SCHIP1: variants seen among roughly 807,000 people sequenced by gnomAD.
SCHIP1 encodes schwannomin-interacting protein 1.
In SCHIP1, 8 loss-of-function variants were observed where a neutral mutation model predicts 29.7. The observed-to-expected ratio is 0.27, with a 90% CI of 0.16 to 0.49. The LOEUF (loss-of-function observed/expected upper bound fraction) is 0.49, where lower values mean the gene tolerates loss of function less well. Among genes scored for constraint, SCHIP1 ranks in the 20% least tolerant of loss-of-function variants. The pLI is 0.99. For synonymous variants in SCHIP1, 76 were observed against 94.9 expected (o/e 0.80, Z 1.16); for missense variants, 193 against 294.6 (o/e 0.66, Z 2.52).
the SCHIP1 span, among the ~76,000 whole-genome samples, chr3:159,510,138 C>T: frequency 6.6e-6 from 1 of 152,168 alleles, no homozygotes; most frequent in Non-Finnish European, 1.5e-5. Context: ...TTCACATAGT[C>T]CCATATTTCT....
chr3:159,471,878 C>A, the SCHIP1 span, among the ~76,000 whole-genome samples: 1 of 152,084 alleles, frequency 6.6e-6, no homozygotes, highest in South Asian at 2.1e-4. Flanking sequence ...GCATGCTATC[C>A]TGTTATGTGT....
At chr3:159,694,581 AAAG>A in the SCHIP1 span, among the ~76,000 whole-genome samples, 1 of 149,318 alleles carries the variant, frequency 6.7e-6, no homozygotes, top group African/African-American at 2.5e-5. Flanking sequence ...AGAAAGAAAG[AAAG>A]AAAGAAAGAA....
At chr3:159,422,938 G>A in the SCHIP1 span, among the ~76,000 whole-genome samples, 9 of 124,248 alleles carry the variant, frequency 7.2e-5, no homozygotes, top group African/African-American at 2.4e-4. Context: ...GTGGAAACAT[G>A]TAGGATATTC....
chr3:159,741,145 T>C, the SCHIP1 span, among the ~76,000 whole-genome samples: 1 of 152,182 alleles, frequency 6.6e-6, no homozygotes, highest in East Asian at 1.9e-4. Context: ...CAGACACTCA[T>C]TAGATGTTCA....
At chr3:159,671,827 G>A in the SCHIP1 span, among the ~76,000 whole-genome samples, 2 of 152,186 alleles carry the variant, frequency 1.3e-5, no homozygotes, top group Non-Finnish European at 2.9e-5. Context: ...AGGGGAGACA[G>A]TATTAAGGAA....
the SCHIP1 span, among the ~76,000 whole-genome samples, chr3:159,512,339 A>G: frequency 3.3e-5 from 5 of 152,190 alleles, no homozygotes; most frequent in Admixed American, 2.6e-4. Flanking sequence ...TAGAATTGCT[A>G]TAGGTAATAT....
At chr3:159,425,420 C>T in the SCHIP1 span, among the ~76,000 whole-genome samples, 1 of 151,414 alleles carries the variant, frequency 6.6e-6, no homozygotes, top group East Asian at 1.9e-4. Flanking sequence ...GACTTTAAAC[C>T]AACAAAGATC....
At chr3:159,591,771 G>A in the SCHIP1 span, among the ~76,000 whole-genome samples, 3 of 151,988 alleles carry the variant, frequency 2.0e-5, no homozygotes, top group South Asian at 4.2e-4. Context: ...CCTGTCGGGG[G>A]GTTGGGGTCA....
At chr3:159,538,686 T>C in the SCHIP1 span, among the ~76,000 whole-genome samples, 1 of 152,294 alleles carries the variant, frequency 6.6e-6, no homozygotes, top group Admixed American at 6.5e-5. Flanking sequence ...TGTTTGCCTG[T>C]ACCTGCGAAG....
chr3:159,427,362 C>G, the SCHIP1 span, among the ~76,000 whole-genome samples: 3 of 151,742 alleles, frequency 2.0e-5, no homozygotes, highest in Admixed American at 6.6e-5. Flanking sequence ...TCTCAGGATA[C>G]AAAATCAATG....
At chr3:159,383,373 C>T in the SCHIP1 span, among the ~76,000 whole-genome samples, 22 of 150,452 alleles carry the variant, frequency 1.5e-4, no homozygotes, top group Admixed American at 1.4e-3. Context: ...GAATCCTTTC[C>T]CCATTGCTTG....
At chr3:159,527,945 A>C in the SCHIP1 span, among the ~76,000 whole-genome samples, 2 of 152,232 alleles carry the variant, frequency 1.3e-5, no homozygotes, top group African/African-American at 4.8e-5. Context: ...TAGTGTGGCC[A>C]AAAAGTGATG....
At chr3:159,388,894 T>C in the SCHIP1 span, among the ~76,000 whole-genome samples, 1 of 152,150 alleles carries the variant, frequency 6.6e-6, no homozygotes, top group Non-Finnish European at 1.5e-5. Flanking sequence ...TCATGCCATA[T>C]ATAAAATAAA....
At chr3:159,846,792 G>T (rs1271171934) in intron 1 of SCHIP1, among the ~76,000 whole-genome samples, 1 of 151,970 alleles carries the variant, frequency 6.6e-6, no homozygotes, top group Non-Finnish European at 1.5e-5. Context: ...ATTATTGTCT[G>T]CCTTGTTGAG....
the SCHIP1 span, among the ~76,000 whole-genome samples, chr3:159,423,001 C>A: frequency 0.96 from 145,664 of 152,312 alleles, 69,687 homozygotes; most frequent in African/African-American, 0.97. Context: ...CTGTAAGTGA[C>A]CTGATTGTTC....
chr3:159,878,924 CAAA>C (rs146047161), intron 2 of SCHIP1, among the ~76,000 whole-genome samples: 1 of 145,096 alleles, frequency 6.9e-6, no homozygotes. Flanking sequence ...ACTCTTTCAC[CAAA>C]AAAAAAAAAG....
At chr3:159,786,693 G>GTA in the SCHIP1 span, among the ~76,000 whole-genome samples, 1,815 of 146,954 alleles carry the variant, frequency 0.012, 37 homozygotes, top group African/African-American at 0.035. Context: ...GTGTGTGTGT[G>GTA]TGTCTGCGCG....
chr3:159,666,705 A>G, the SCHIP1 span, among the ~76,000 whole-genome samples: 1 of 152,244 alleles, frequency 6.6e-6, no homozygotes, highest in African/African-American at 2.4e-5. Context: ...CATAGGTAAT[A>G]GATAAAAACA....
At chr3:159,446,244 C>G in the SCHIP1 span, among the ~76,000 whole-genome samples, 1 of 151,948 alleles carries the variant, frequency 6.6e-6, no homozygotes, top group East Asian at 1.9e-4. Flanking sequence ...ACACATATGC[C>G]CACTAATATT....
Sources: gnomAD v4.1 joint callset for allele counts (sites outside exome capture counted in the v4.1 genomes callset) on GRCh38, gnomAD v4.1.1 for gene constraint, MANE v1.5 for transcripts, NCBI Gene and HGNC (gene_info 2026-07-23, HGNC 2026-07-21) for gene names.